The following RDX variants were observed in gnomAD, a reference collection of about 807,000 sequenced individuals.
RDX encodes the protein deafness, autosomal recessive 24.
A neutral mutation model predicts 83.7 loss-of-function variants in RDX; 32 were observed. That is an observed-to-expected ratio of 0.38 (90% confidence interval 0.29 to 0.51). The LOEUF is 0.51. RDX is among the 20% of genes least tolerant of loss of function. The pLI, the probability that RDX is intolerant of heterozygous loss-of-function variation, is 0.87. For synonymous variants in RDX, 229 were observed against 222.7 expected (o/e 1.03, Z -0.25); for missense variants, 600 against 689.9 (o/e 0.87, Z 1.46).
chr11:110,232,293 CT>C (rs1864669817), intron 13 of RDX, among the ~76,000 whole-genome samples: 1 of 152,002 alleles, frequency 6.6e-6, no homozygotes, highest in African/African-American at 2.4e-5. Context: ...CTTGAAATGG[CT>C]AAAAAGTTCA....
intron 2 of RDX, among the ~76,000 whole-genome samples, chr11:110,276,375 T>C (rs1860519623): frequency 6.6e-6 from 1 of 152,316 alleles, no homozygotes; most frequent in Admixed American, 6.5e-5. Flanking sequence ...CTACTCAATA[T>C]CATATTGTCT....
At chr11:110,224,248 C>G (rs1358875563) in intron 14 of RDX, among the ~76,000 whole-genome samples, 3 of 151,246 alleles carry the variant, frequency 2.0e-5, no homozygotes, top group South Asian at 4.2e-4. Flanking sequence ...AAAACAAAAC[C>G]CTTCGAATTT....
intron 14 of RDX, among the ~76,000 whole-genome samples, chr11:110,220,456 G>C (rs1332199943): frequency 2.6e-5 from 4 of 152,102 alleles, no homozygotes; most frequent in African/African-American, 9.7e-5. Context: ...CCCGAGGTGG[G>C]AATCTAAAAC....
chr11:110,276,414 A>C lies in RDX; in HGVS notation c.12+3267T>G, dbSNP rs545067304. On this transcript the variant is annotated intron_variant, in intron 2 of 13. Coordinates refer to ENST00000645495, the MANE Select transcript of RDX (RefSeq NM_002906.4). Reference sequence around the variant, plus strand: ...TTAGTACTTCTTTAAATAAGTCTTGATATGTGGTAGGGCAAGTCTCCATTA... The same window carrying C: ...TTAGTACTTCTTTAAATAAGTCTTGCTATGTGGTAGGGCAAGTCTCCATTA... 3.3e-5 allele frequency among the ~76,000 whole-genome samples: 5 copies of C among 152,204 alleles called. No homozygotes were observed. In the South Asian group the frequency reaches 1.0e-3, roughly 32 times the overall value.
intron 9 of RDX, among the ~76,000 whole-genome samples, chr11:110,250,375 GC>G (rs1055890530): frequency 2.0e-5 from 3 of 152,150 alleles, no homozygotes; most frequent in African/African-American, 7.2e-5. Flanking sequence ...TCACTCCCCA[GC>G]CTCTATGCAA....
intron 14 of RDX, among the ~76,000 whole-genome samples, chr11:110,208,213 A>T (rs566983823): frequency 6.6e-6 from 1 of 152,364 alleles, no homozygotes; most frequent in Non-Finnish European, 1.5e-5. Context: ...TTTCTAATAA[A>T]TGACAAAGAA....
chr11:110,233,113 C>T, intron 13 of RDX, 124 bp downstream of exon 13: 1 of 1,207,638 alleles, frequency 8.3e-7, no homozygotes, highest in Non-Finnish European at 1.2e-6. Context: ...GGCCAAACAC[C>T]CACAAACCAA....
At chr11:110,289,479 G>T (rs1861125840) in intron 1 of RDX, among the ~76,000 whole-genome samples, 1 of 152,110 alleles carries the variant, frequency 6.6e-6, no homozygotes, top group Non-Finnish European at 1.5e-5. Context: ...AGTTTTTATA[G>T]TTTTTCTAAG....
At chr11:110,194,422 G>A (rs143965580) in intron 15 of RDX, among the ~76,000 whole-genome samples, 2,535 of 152,294 alleles carry the variant, frequency 0.017, 88 homozygotes, top group African/African-American at 0.056. Context: ...GTTTTGCCAT[G>A]TTGGCCAGGC....
rs908996007 is a variant in RDX at position 110,264,892 on chromosome 11, C to A, written c.97-18G>T. 8.2e-6 allele frequency: 13 copies of A among 1,585,804 alleles called. No homozygotes were observed. The highest frequency in any genetic ancestry group is 3.3e-5 in the Admixed American group (2 of 59,920). Reference sequence around the variant, plus strand: ...TTCACCACCTAAAACACAACAACAACAAAAAAACACAATTTCAGTCCAACA... The same window carrying A: ...TTCACCACCTAAAACACAACAACAAAAAAAAAACACAATTTCAGTCCAACA... On this transcript the variant is annotated intron_variant, in intron 3 of 13. Coordinates refer to ENST00000645495, the MANE Select transcript of RDX (RefSeq NM_002906.4).
intron 14 of RDX, among the ~76,000 whole-genome samples, chr11:110,221,601 A>AACACACACAC (rs60766252): frequency 0.019 from 2,524 of 133,538 alleles, 44 homozygotes; most frequent in African/African-American, 0.028. Context: ...CTGTCTCCAA[A>AACACACACAC]ACACACACAC....
intron 15 of RDX, among the ~76,000 whole-genome samples, chr11:110,193,981 T>C (rs939106398): frequency 4.6e-5 from 7 of 152,230 alleles, no homozygotes; most frequent in African/African-American, 1.2e-4. Flanking sequence ...AAAACCCATA[T>C]GTAGAAAAGG....
chr11:110,268,293 A>G, intron 3 of RDX, among the ~76,000 whole-genome samples: 1 of 150,284 alleles, frequency 6.7e-6, no homozygotes, highest in South Asian at 2.1e-4. Flanking sequence ...TGGGTGACAG[A>G]GTAAGACTCT....
At chr11:110,175,926 G>T (rs1184902679) in intron 15 of RDX, among the ~76,000 whole-genome samples, 1 of 152,156 alleles carries the variant, frequency 6.6e-6, no homozygotes, top group Non-Finnish European at 1.5e-5. Flanking sequence ...GAGGATTGGA[G>T]CAAGATGCCT....
chr11:110,283,774 AAT>A (rs1178943021), intron 1 of RDX, among the ~76,000 whole-genome samples: 31 of 152,148 alleles, frequency 2.0e-4, no homozygotes, highest in Non-Finnish European at 4.0e-4. Context: ...AGAATAACAT[AAT>A]ATGACTAAGA....
chr11:110,265,009 C>T (rs1045985045), intron 3 of RDX, 135 bp from the exon 4 acceptor site: 3 of 543,482 alleles, frequency 5.5e-6, no homozygotes, highest in Non-Finnish European at 9.6e-6. Flanking sequence ...AAGGCTTTCC[C>T]TAAATTTAAG....
At chr11:110,227,140 G>T (rs935016703), downstream of RDX, among the ~76,000 whole-genome samples, 1 of 152,020 alleles carries the variant, frequency 6.6e-6, no homozygotes, top group East Asian at 1.9e-4. Context: ...TGAAAAACAC[G>T]ATTCGTAAGT....
At chr11:110,262,396 C>T (rs1345247010) in intron 5 of RDX, among the ~76,000 whole-genome samples, 2 of 152,034 alleles carry the variant, frequency 1.3e-5, no homozygotes, top group Non-Finnish European at 2.9e-5. Context: ...ACCAGCCTGA[C>T]CAACACGGTG....
At chr11:110,277,363 A>T (rs1163139989) in intron 2 of RDX, among the ~76,000 whole-genome samples, 3 of 152,124 alleles carry the variant, frequency 2.0e-5, no homozygotes, top group Non-Finnish European at 4.4e-5. Flanking sequence ...TCTGTCACCC[A>T]GGTTGAAGTG....
Sources: allele counts gnomAD v4.1 joint callset (sites outside exome capture counted in the v4.1 genomes callset), GRCh38; gene constraint gnomAD v4.1.1; transcripts MANE v1.5; gene names NCBI Gene and HGNC (gene_info 2026-07-23, HGNC 2026-07-21).